The following ANGPT1 variants were observed in gnomAD, a reference collection of about 807,000 sequenced individuals.
ANGPT1 encodes the protein angiopoietin-1.
In ANGPT1, 17 loss-of-function variants were observed where a neutral mutation model predicts 62.2. The ratio of observed to expected loss-of-function variants is 0.27; its 90% CI spans 0.19 to 0.41. ANGPT1 has a LOEUF of 0.41. Among genes scored for constraint, ANGPT1 ranks in the 10% least tolerant of loss-of-function variants. The pLI, the probability that ANGPT1 is intolerant of heterozygous loss-of-function variation, is 1.00. For missense variants in ANGPT1, 478 were observed against 594.9 expected, an observed-to-expected ratio of 0.80 and a Z score of 2.04; for synonymous variants, 199 against 198.9, an observed-to-expected ratio of 1.00 and a Z score of 0.00.
intron 1 of ANGPT1, among the ~76,000 whole-genome samples, chr8:107,479,540 A>G (rs1812621039): frequency 6.6e-6 from 1 of 152,194 alleles, no homozygotes; most frequent in South Asian, 2.1e-4. Context: ...ACCACTGGGA[A>G]CTGAACAGAT....
intron 1 of ANGPT1, among the ~76,000 whole-genome samples, chr8:107,402,934 C>T (rs1238631811): frequency 2.6e-5 from 4 of 152,074 alleles, no homozygotes; most frequent in Admixed American, 2.0e-4. Context: ...TAGTAATGAA[C>T]ATTTCAGTTT....
At chr8:107,459,010 A>G (rs186053594) in intron 1 of ANGPT1, among the ~76,000 whole-genome samples, 63 of 152,178 alleles carry the variant, frequency 4.1e-4, no homozygotes, top group African/African-American at 1.4e-3. Flanking sequence ...TCTTAAGACA[A>G]CCTGAGCATC....
At chr8:107,453,935 G>A (rs1377511275) in intron 1 of ANGPT1, among the ~76,000 whole-genome samples, 1 of 151,922 alleles carries the variant, frequency 6.6e-6, no homozygotes, top group African/African-American at 2.4e-5. Flanking sequence ...CATCTGTGAA[G>A]AAAAATACCT....
intron 4 of ANGPT1, among the ~76,000 whole-genome samples, chr8:107,304,463 A>G (rs999798658): frequency 6.6e-6 from 1 of 151,752 alleles, no homozygotes; most frequent in African/African-American, 2.4e-5. Flanking sequence ...ATTCAAACAC[A>G]TTGAGTTATA....
At chr8:107,381,810 A>G (rs1476818392) in intron 1 of ANGPT1, among the ~76,000 whole-genome samples, 2 of 152,196 alleles carry the variant, frequency 1.3e-5, no homozygotes, top group Non-Finnish European at 2.9e-5. Context: ...CCAAAAGAAA[A>G]GCAAGCCCTA....
At chr8:107,261,084 A>C (rs1048479139) in intron 8 of ANGPT1, among the ~76,000 whole-genome samples, 1 of 152,174 alleles carries the variant, frequency 6.6e-6, no homozygotes, top group East Asian at 1.9e-4. Flanking sequence ...GTAAGAAAAA[A>C]TATCTTTGAA....
intron 5 of ANGPT1, among the ~76,000 whole-genome samples, chr8:107,302,197 A>C: frequency 6.6e-6 from 1 of 151,940 alleles, no homozygotes; most frequent in East Asian, 1.9e-4. Context: ...AAAGTCATGT[A>C]AAGTTGCCTG....
At chr8:107,386,683 T>C (rs1456366038) in intron 1 of ANGPT1, among the ~76,000 whole-genome samples, 1 of 152,120 alleles carries the variant, frequency 6.6e-6, no homozygotes, top group East Asian at 1.9e-4. Flanking sequence ...ATTGTACGAA[T>C]GATAATTATA....
At chr8:107,322,682 G>T in intron 3 of ANGPT1, 1 of 290,386 alleles carries the variant, frequency 3.4e-6, no homozygotes. Context: ...AAACACAAAG[G>T]TTTATGTACA....
chr8:107,442,786 A>T (rs2130434905), intron 1 of ANGPT1, among the ~76,000 whole-genome samples: 1 of 152,334 alleles, frequency 6.6e-6, no homozygotes, highest in Middle Eastern at 3.4e-3. Context: ...AGTATTGCTA[A>T]AACTGTCCCA....
intron 1 of ANGPT1, among the ~76,000 whole-genome samples, chr8:107,434,294 G>A (rs545066138): frequency 8.5e-5 from 13 of 152,166 alleles, no homozygotes; most frequent in Non-Finnish European, 1.6e-4. Context: ...GAAAGTGGGA[G>A]TGGCAGGAAT....
chr8:107,272,864 ATTCC>A lies in ANGPT1; in HGVS notation c.1206-8517_1206-8514del, dbSNP rs140765986. Reference sequence around the variant, plus strand: ...AAATAAGATAAATAGTTATTCCAGTATTCCTTCCCTTTTTTAAGAATACATAAAA... The same window carrying A: ...AAATAAGATAAATAGTTATTCCAGTATTCCCTTTTTTAAGAATACATAAAA... On this transcript the variant is annotated intron_variant, in intron 7 of 8. Coordinates refer to ENST00000517746, the MANE Select transcript of ANGPT1 (RefSeq NM_001146.5). Among the ~76,000 whole-genome samples the A allele has an allele frequency of 2.2e-3, 315 of 142,950 alleles. 9 individuals carry two copies. In the East Asian group the frequency reaches 0.048, roughly 22 times the overall value. 93.8% of individuals were successfully genotyped at this position (142,950 alleles called of 152,430 possible). A position where few individuals can be genotyped will look rare whatever the true frequency, so the allele number is the denominator to read the frequency against.
Position 107,435,851 on chromosome 8 carries a change from T to C in ANGPT1, c.297+61411A>G, listed in dbSNP as rs560748061. On this transcript the variant is annotated intron_variant, in intron 1 of 8. Coordinates refer to ENST00000517746, the MANE Select transcript of ANGPT1 (RefSeq NM_001146.5). ...AATTTACAATCTAGTGCCAGACCCATTGCACCTTCAAAATAACCCTATGAG... is the reference window on the plus strand; with the variant it reads ...AATTTACAATCTAGTGCCAGACCCACTGCACCTTCAAAATAACCCTATGAG... 1.4e-3 allele frequency among the ~76,000 whole-genome samples: 218 copies of C among 152,288 alleles called. 1 individual carries two copies. Among genetic ancestry groups the C allele is most frequent in the African/African-American group, 5.1e-3 (211 of 41,560 alleles).
intron 1 of ANGPT1, among the ~76,000 whole-genome samples, chr8:107,414,685 A>G (rs1810690899): frequency 6.6e-6 from 1 of 152,188 alleles, no homozygotes; most frequent in African/African-American, 2.4e-5. Context: ...CTGAACTAAC[A>G]TCAACCTTTG....
intron 1 of ANGPT1, among the ~76,000 whole-genome samples, chr8:107,492,813 T>C (rs1812999229): frequency 6.6e-6 from 1 of 150,604 alleles, no homozygotes; most frequent in Non-Finnish European, 1.5e-5. Context: ...AATTAAGTTC[T>C]CATGTGCACA....
chr8:107,381,737 G>A (rs919479411), intron 1 of ANGPT1, among the ~76,000 whole-genome samples: 3 of 152,168 alleles, frequency 2.0e-5, no homozygotes, highest in Non-Finnish European at 2.9e-5. Flanking sequence ...AGAAAGGATC[G>A]TTATGACAAC....
chr8:107,465,285 A>G (rs1368586388), intron 1 of ANGPT1, among the ~76,000 whole-genome samples: 1 of 152,174 alleles, frequency 6.6e-6, no homozygotes, highest in Non-Finnish European at 1.5e-5. Flanking sequence ...AGAAAAGTCC[A>G]CAAACTGGCA....
chr8:107,280,197 TC>T (rs1326702603), intron 7 of ANGPT1, among the ~76,000 whole-genome samples: 1 of 151,840 alleles, frequency 6.6e-6, no homozygotes, highest in African/African-American at 2.4e-5. Flanking sequence ...TTACTTTCTT[TC>T]TTTTTTTATT....
chr8:107,322,112 T>C lies in ANGPT1; in HGVS notation c.592A>G (p.Ile198Val). Residue 198 changes from isoleucine to valine, a missense_variant, in exon 4 of 9, where the codon ATC becomes GTC. By Grantham distance (29) the Ile-to-Val change is conservative. Coordinates refer to ENST00000517746, the MANE Select transcript of ANGPT1 (RefSeq NM_001146.5). Reference protein sequence around the residue: ...HEKNSLLEHKILEMEGKHKEE... With the variant: ...HEKNSLLEHKVLEMEGKHKEE... ...TTGTGTTTTCCTTCCATTTCTAAGA[T>C]TTTATGTTCTAATAAACTACAAGGA... 2 of 1,612,028 alleles carry C rather than the reference T, an allele frequency of 1.2e-6. No individual in the cohort carries two copies. The highest frequency in any genetic ancestry group is 1.7e-6 in the Non-Finnish European group (2 of 1,178,808).
Sources: allele counts gnomAD v4.1 joint callset (sites outside exome capture counted in the v4.1 genomes callset), GRCh38; gene constraint gnomAD v4.1.1; transcripts MANE v1.5; gene names NCBI Gene and HGNC (gene_info 2026-07-23, HGNC 2026-07-21).